The following NEO1 variants were observed in gnomAD, a reference collection of about 807,000 sequenced individuals.
NEO1 encodes neogenin 1.
In NEO1, 63 loss-of-function variants were observed where a neutral mutation model predicts 159.7. That is an observed-to-expected ratio of 0.39 (90% CI 0.32 to 0.49). The LOEUF (loss-of-function observed/expected upper bound fraction) is 0.49. NEO1 is among the 20% of genes least tolerant of loss of function. The probability of loss-of-function intolerance (pLI) is 0.85; values close to 1 mark genes in which losing one functional copy is unlikely to be tolerated. For missense variants in NEO1, 1,615 were observed against 1,831.0 expected, an observed-to-expected ratio of 0.88 and a Z score of 2.15; for synonymous variants, 633 against 662.0, an observed-to-expected ratio of 0.96 and a Z score of 0.67.
chr15:73,135,819 G>T (rs1027663673), intron 4 of NEO1, 72 bp from the exon 5 acceptor site: 5 of 1,307,928 alleles, frequency 3.8e-6, no homozygotes, highest in Non-Finnish European at 5.0e-6. Flanking sequence ...TCTATTTTAT[G>T]TGGAGAGTTT....
chr15:73,055,603 TAGTC>T (rs376708864), intron 1 of NEO1, among the ~76,000 whole-genome samples: 5 of 152,338 alleles, frequency 3.3e-5, no homozygotes, highest in African/African-American at 7.2e-5. Context: ...AGGACTCTCT[TAGTC>T]CACACTTTCT....
rs957862133 is a variant in NEO1, at chr15:73,168,385, G to C, written c.1016-8018G>C. 7.4e-5 allele frequency among the ~76,000 whole-genome samples: 7 copies of C among 94,924 alleles called. 1 individual carries two copies. Among genetic ancestry groups the C allele is most frequent in the Non-Finnish European group, 1.2e-4 (6 of 49,162 alleles). The allele number at this position is 94,924 out of a possible 152,430, so 62.3% of individuals were successfully genotyped here. A position where few individuals can be genotyped will look rare whatever the true frequency, so the allele number is the denominator to read the frequency against. ...TTTTAGTAGAGACGGGGGGTGGGGGGGGGGGGTCTCACCATGTTGGCTAGG... is the reference window on the plus strand; with the variant it reads ...TTTTAGTAGAGACGGGGGGTGGGGGCGGGGGGTCTCACCATGTTGGCTAGG... On this transcript the variant is annotated intron_variant, in intron 5 of 28. Transcript: ENST00000261908.
intron 22 of NEO1, among the ~76,000 whole-genome samples, chr15:73,279,351 G>GTTTTTGTTTTTGTTTTTGTTTTTTTTTTT (rs2041577119): frequency 5.0e-5 from 6 of 119,348 alleles, no homozygotes; most frequent in African/African-American, 1.8e-4. Context: ...TTTGGTTTTG[G>GTTTTTGTTTTTGTTTTTGTTTTTTTTTTT]TTTTTTTTTT....
intron 16 of NEO1, among the ~76,000 whole-genome samples, chr15:73,267,937 GGATAT>G (rs1256851191): frequency 6.6e-6 from 1 of 152,110 alleles, no homozygotes; most frequent in African/African-American, 2.4e-5. Flanking sequence ...GATATCTGCT[GGATAT>G]GTTGCATAAT....
At chr15:73,112,638 A>G (rs1347155470) in intron 1 of NEO1, among the ~76,000 whole-genome samples, 1 of 152,124 alleles carries the variant, frequency 6.6e-6, no homozygotes, top group Non-Finnish European at 1.5e-5. Context: ...GTAGTATAAG[A>G]TCACAGATAA....
intron 5 of NEO1, among the ~76,000 whole-genome samples, chr15:73,167,323 A>G (rs28547177): frequency 0.099 from 14,918 of 151,366 alleles, 1,006 homozygotes; most frequent in African/African-American, 0.18. Context: ...GGAACCAAAC[A>G]TCCCACGACT....
intron 5 of NEO1, among the ~76,000 whole-genome samples, chr15:73,138,357 A>G (rs1331195327): frequency 6.6e-6 from 1 of 152,240 alleles, no homozygotes; most frequent in Non-Finnish European, 1.5e-5. Flanking sequence ...AAATTATCAC[A>G]CAAGATCTCT....
chr15:73,163,173 A>T (rs1265690723), intron 5 of NEO1, among the ~76,000 whole-genome samples: 1 of 151,462 alleles, frequency 6.6e-6, no homozygotes, highest in African/African-American at 2.4e-5. Flanking sequence ...TTTTTTTTTG[A>T]TACGTAAGAA....
chr15:73,251,174 A>C (rs1299934051), intron 11 of NEO1, among the ~76,000 whole-genome samples: 4 of 152,186 alleles, frequency 2.6e-5, no homozygotes, highest in Non-Finnish European at 4.4e-5. Context: ...TCATTGTACT[A>C]TTCTTGCCAC....
intron 7 of NEO1, among the ~76,000 whole-genome samples, chr15:73,220,152 G>T (rs2038150695): frequency 6.6e-6 from 1 of 152,054 alleles, no homozygotes; most frequent in Non-Finnish European, 1.5e-5. Context: ...TTGCTTGTCT[G>T]TAAAGGATTT....
chr15:73,164,019 A>ATTTTTTTTTT (rs57049110), intron 5 of NEO1, among the ~76,000 whole-genome samples: 3 of 123,684 alleles, frequency 2.4e-5, no homozygotes, highest in African/African-American at 8.2e-5. Context: ...TCTTTTTCTT[A>ATTTTTTTTTT]TTTTTTTTTT....
chr15:73,279,455 T>C (rs2151078476), intron 22 of NEO1, among the ~76,000 whole-genome samples: 1 of 149,542 alleles, frequency 6.7e-6, no homozygotes, highest in East Asian at 2.0e-4. Context: ...TTCAAGGGAG[T>C]CTCCTGCCTC....
chr15:73,178,639 GA>G (rs34039480), intron 7 of NEO1, among the ~76,000 whole-genome samples: 11,900 of 152,114 alleles, frequency 0.078, 551 homozygotes, highest in Non-Finnish European at 0.097. Context: ...TTTTTACTAA[GA>G]AAAGGAAAAC....
chr15:73,281,535 C>A (rs2041713736), intron 22 of NEO1, among the ~76,000 whole-genome samples: 1 of 152,140 alleles, frequency 6.6e-6, no homozygotes, highest in Non-Finnish European at 1.5e-5. Context: ...GATTAACAGG[C>A]GTGAGCCACT....
intron 11 of NEO1, among the ~76,000 whole-genome samples, chr15:73,253,123 C>T (rs2040163768): frequency 6.6e-6 from 1 of 152,130 alleles, no homozygotes; most frequent in Non-Finnish European, 1.5e-5. Flanking sequence ...TACTGTACAT[C>T]CTTGAAATAA....
intron 23 of NEO1, among the ~76,000 whole-genome samples, chr15:73,284,509 G>A (rs2041864108): frequency 3.3e-5 from 5 of 149,846 alleles, no homozygotes; most frequent in Admixed American, 2.0e-4. Flanking sequence ...AGCTTGTACT[G>A]TATCACTTTT....
intron 4 of NEO1, among the ~76,000 whole-genome samples, chr15:73,127,748 G>A (rs777271006): frequency 1.4e-4 from 22 of 152,326 alleles, no homozygotes; most frequent in Admixed American, 8.5e-4. Context: ...ACCAGTTAAT[G>A]TGAAATGTAG....
chr15:73,289,981 G>A (rs940621448), intron 25 of NEO1, among the ~76,000 whole-genome samples: 1 of 151,664 alleles, frequency 6.6e-6, no homozygotes, highest in Admixed American at 6.6e-5. Flanking sequence ...GCCAGGCATC[G>A]TGGCACACAA....
At chr15:73,241,304 A>C (rs1420741293) in intron 8 of NEO1, among the ~76,000 whole-genome samples, 1 of 152,238 alleles carries the variant, frequency 6.6e-6, no homozygotes, top group Non-Finnish European at 1.5e-5. Context: ...AGTCTAGTCA[A>C]GGGGTTAGCA....
Sources: allele counts gnomAD v4.1 joint callset (sites outside exome capture counted in the v4.1 genomes callset), GRCh38; gene constraint gnomAD v4.1.1; transcripts MANE v1.5; gene names NCBI Gene and HGNC (gene_info 2026-07-23, HGNC 2026-07-21).